Variants in CGNL1 observed in about 807,000 individuals in gnomAD.
CGNL1 encodes cingulin like 1.
Under a neutral mutation model 141.2 loss-of-function variants are expected in CGNL1, and 132 were observed. The observed-to-expected ratio is 0.93, with a 90% CI of 0.81 to 1.08. The LOEUF is 1.08. Among genes scored for constraint, CGNL1 ranks in the 50% least tolerant of loss-of-function variants. The pLI is 0.00. For missense variants in CGNL1, 1,870 were observed against 1,588.6 expected (o/e 1.18, Z -3.01); for synonymous variants, 690 against 622.1 (o/e 1.11, Z -1.63).
At chr15:57,411,210 G>T (rs1240446341) in intron 1 of CGNL1, among the ~76,000 whole-genome samples, 1 of 152,082 alleles carries the variant, frequency 6.6e-6, no homozygotes, top group African/African-American at 2.4e-5. Context: ...TAGAATACGA[G>T]CTTATTTTCT....
chr15:57,425,512 G>C (rs1020623264), intron 1 of CGNL1, among the ~76,000 whole-genome samples: 9 of 152,230 alleles, frequency 5.9e-5, no homozygotes, highest in African/African-American at 1.9e-4. Flanking sequence ...GGAGGCCAAG[G>C]TGGGCGGATC....
rs752938070 is a variant in CGNL1, at chr15:57,438,362, G to T, written c.363G>T (p.Leu121=). The change falls in exon 2 of 19, where the codon CTG becomes CTT. Residue 121 remains leucine, a synonymous_variant. Transcript: ENST00000281282. ...PSPIRNLKQP[L]LHEGKNGVLD... Reference sequence around the variant, plus strand: ...CAATAAGAAACCTGAAACAGCCCCTGCTCCATGAGGGCAAGAATGGAGTTC... The same window carrying T: ...CAATAAGAAACCTGAAACAGCCCCTTCTCCATGAGGGCAAGAATGGAGTTC... The T allele has an allele frequency of 3.7e-6, 6 of 1,614,126 alleles. No individual in the cohort carries two copies. The South Asian group carries it at 6.6e-5, about 18-fold the overall frequency.
intron 8 of CGNL1, among the ~76,000 whole-genome samples, chr15:57,474,128 C>G (rs2932193): frequency 0.54 from 81,442 of 151,550 alleles, 22,367 homozygotes; most frequent in Non-Finnish European, 0.6. Flanking sequence ...CCAGGCTGGT[C>G]TCGAACTCTT....
chr15:57,493,994 G>A (rs970366240), intron 8 of CGNL1, among the ~76,000 whole-genome samples: 1 of 148,186 alleles, frequency 6.7e-6, no homozygotes, highest in African/African-American at 2.5e-5. Flanking sequence ...ATGGATTCAT[G>A]TACCACATGT....
chr15:57,420,370 A>G (rs1361326513), intron 1 of CGNL1, among the ~76,000 whole-genome samples: 1 of 152,204 alleles, frequency 6.6e-6, no homozygotes, highest in African/African-American at 2.4e-5. Flanking sequence ...ATATTCCTAT[A>G]TGTAACCATC....
At chr15:57,528,932 T>G in intron 13 of CGNL1, 117 bp downstream of exon 13, 2 of 1,088,442 alleles carry the variant, frequency 1.8e-6, no homozygotes, top group Non-Finnish European at 2.6e-6. Context: ...TTTTATTCTC[T>G]CCCACAGCTG....
rs763212586 is a variant in CGNL1, at chr15:57,523,625, A to G, written c.2852A>G (p.Glu951Gly). 1 of 1,614,130 alleles carries G rather than the reference A, an allele frequency of 6.2e-7. No individual in the cohort carries two copies. Among genetic ancestry groups the G allele is most frequent in the Non-Finnish European group, 8.5e-7 (1 of 1,180,012 alleles). ...NERWHLGKTIEKLQKEMADIV... is the reference protein window; with the variant it reads ...NERWHLGKTIGKLQKEMADIV... ...CGGTGGCACCTGGGCAAAACCATTGAGAAACTGCAGAAGGAGGTGAGGGGC... is the reference window on the plus strand; with the variant it reads ...CGGTGGCACCTGGGCAAAACCATTGGGAAACTGCAGAAGGAGGTGAGGGGC... The change falls in exon 11 of 19, where the codon GAG (glutamate) becomes GGG (glycine). Residue 951 changes from glutamate to glycine, a missense_variant. Coordinates refer to ENST00000281282, the MANE Select transcript of CGNL1 (RefSeq NM_032866.5).
chr15:57,522,677 A>G (rs2031345168), intron 10 of CGNL1, among the ~76,000 whole-genome samples: 1 of 152,168 alleles, frequency 6.6e-6, no homozygotes, highest in South Asian at 2.1e-4. Context: ...ATATTTTAGG[A>G]TTTTATTCTG....
At chr15:57,538,692 C>A (rs1364292083) in intron 14 of CGNL1, among the ~76,000 whole-genome samples, 1 of 152,158 alleles carries the variant, frequency 6.6e-6, no homozygotes, top group Non-Finnish European at 1.5e-5. Context: ...TTGTCCTGAA[C>A]CCCCAGGCTG....
intron 1 of CGNL1, among the ~76,000 whole-genome samples, chr15:57,424,075 G>T (rs1375839124): frequency 1.3e-5 from 2 of 152,148 alleles, no homozygotes; most frequent in African/African-American, 4.8e-5. Flanking sequence ...TCAGGCCCAC[G>T]ACACCCTGTG....
At chr15:57,454,513 A>G (rs1595721406) in intron 7 of CGNL1, among the ~76,000 whole-genome samples, 1 of 152,144 alleles carries the variant, frequency 6.6e-6, no homozygotes, top group East Asian at 1.9e-4. Flanking sequence ...ATTCCTCAGG[A>G]GAGATTTTAG....
At chr15:57,431,054 C>G (rs1244211279) in intron 1 of CGNL1, among the ~76,000 whole-genome samples, 3 of 152,272 alleles carry the variant, frequency 2.0e-5, no homozygotes, top group African/African-American at 7.2e-5. Flanking sequence ...GGTTGATTCT[C>G]CTAGGTCTCC....
At chr15:57,388,241 G>A (rs1467073801) in intron 1 of CGNL1, among the ~76,000 whole-genome samples, 2 of 152,168 alleles carry the variant, frequency 1.3e-5, no homozygotes, top group East Asian at 3.8e-4. Flanking sequence ...AGTAGGCCCC[G>A]AGAAGAGGAA....
At chr15:57,437,616 C>T (rs1195568695) in intron 1 of CGNL1, among the ~76,000 whole-genome samples, 3 of 13,482 alleles carry the variant, frequency 2.2e-4, no homozygotes, top group Non-Finnish European at 4.6e-4. Flanking sequence ...ACCAACTAAA[C>T]AGCAAAAAAA....
intron 16 of CGNL1, among the ~76,000 whole-genome samples, chr15:57,544,924 C>T (rs2032773863): frequency 1.3e-5 from 2 of 152,210 alleles, no homozygotes; most frequent in Non-Finnish European, 2.9e-5. Flanking sequence ...TTGGAAGCTA[C>T]AGAGTTTGAG....
chr15:57,533,867 C>G (rs1352412229), intron 14 of CGNL1, among the ~76,000 whole-genome samples: 1 of 152,186 alleles, frequency 6.6e-6, no homozygotes, highest in African/African-American at 2.4e-5. Flanking sequence ...TTAAGGGAAC[C>G]AAGGACTTGA....
chr15:57,524,761 G>A lies in CGNL1; in HGVS notation c.3039+10G>A, dbSNP rs200556108. ...GAAAATGCAGGATGAGGTAATGCCT[G>A]GCCAGATAAGTTCTTCCTTTATCCC... On this transcript the variant is annotated intron_variant, in intron 12 of 18. Transcript: ENST00000281282. The A allele has an allele frequency of 4.8e-5, 78 of 1,613,096 alleles. 1 individual carries two copies. The African/African-American group carries it at 9.2e-4, about 19-fold the overall frequency.
chr15:57,505,892 G>A (rs2064095613), intron 8 of CGNL1, among the ~76,000 whole-genome samples: 1 of 152,326 alleles, frequency 6.6e-6, no homozygotes, highest in South Asian at 2.1e-4. Context: ...TAATTCAGGA[G>A]AGACCCTTTC....
At chr15:57,537,332 A>G (rs1372649222) in intron 14 of CGNL1, among the ~76,000 whole-genome samples, 1 of 152,182 alleles carries the variant, frequency 6.6e-6, no homozygotes, top group Admixed American at 6.5e-5. Flanking sequence ...GGGCTCCTAC[A>G]GTCACTTTCG....
Sources: gnomAD v4.1 joint callset for allele counts (sites outside exome capture counted in the v4.1 genomes callset) on GRCh38, gnomAD v4.1.1 for gene constraint, MANE v1.5 for transcripts, NCBI Gene and HGNC (gene_info 2026-07-23, HGNC 2026-07-21) for gene names.